The following PALD1 variants were observed in gnomAD, a reference collection of about 807,000 sequenced individuals.
The protein encoded by PALD1 is paladin.
PALD1 carries 57 observed loss-of-function variants against 96.0 expected under a neutral mutation model. The ratio of observed to expected loss-of-function variants is 0.59; its 90% CI spans 0.48 to 0.74. PALD1 has a LOEUF of 0.74. Among genes scored for constraint, PALD1 ranks in the 30% least tolerant of loss-of-function variants. The probability of loss-of-function intolerance (pLI) is 0.00; values close to 1 mark genes in which losing one functional copy is unlikely to be tolerated. For synonymous variants in PALD1, 464 were observed against 473.6 expected (o/e 0.98, Z 0.26); for missense variants, 1,063 against 1,143.7 (o/e 0.93, Z 1.02).
chr10:70,534,109 TG>T (rs1205402036), intron 8 of PALD1, 36 bp downstream of exon 8: 1 of 1,534,560 alleles, frequency 6.5e-7, no homozygotes, highest in Admixed American at 2.0e-5. Flanking sequence ...TGAAGGGCTG[TG>T]GGGCCGAGGA....
Position 70,547,442 on chromosome 10 carries a change from G to A in PALD1, c.2258G>A (p.Arg753His), listed in dbSNP as rs780067595. 24 of 1,600,708 alleles carry A rather than the reference G, an allele frequency of 1.5e-5. 2 individuals are homozygous for A. In the Admixed American group the frequency reaches 2.3e-4, roughly 16 times the overall value. ...HLREIIICTY[R>H]QAKAAKEAQE... is the part of the protein sequence containing the mutation. ...CGGGAGATCATCATCTGCACCTACC[G>A]CCAGGTGAGCCCCCACCCCACCCCA... The change falls in exon 18 of 20, where the codon CGC becomes CAC. Residue 753 changes from arginine (R) to histidine (H), a missense_variant. By Grantham distance (29) the Arg-to-His change is conservative. Transcript: ENST00000263563.
chr10:70,486,560 A>T (rs1846019294), intron 1 of PALD1, among the ~76,000 whole-genome samples: 1 of 152,126 alleles, frequency 6.6e-6, no homozygotes, highest in Non-Finnish European at 1.5e-5. Context: ...CAGGAGTTCA[A>T]GACCAGCCTG....
At chr10:70,487,786 T>A (rs112465638) in intron 1 of PALD1, among the ~76,000 whole-genome samples, 1 of 152,124 alleles carries the variant, frequency 6.6e-6, no homozygotes, top group Non-Finnish European at 1.5e-5. Context: ...TTGGTGAATG[T>A]CGGTAAAAGT....
intron 1 of PALD1, among the ~76,000 whole-genome samples, chr10:70,507,985 G>A (rs1846427321): frequency 1.3e-5 from 2 of 152,206 alleles, no homozygotes; most frequent in African/African-American, 2.4e-5. Flanking sequence ...CCCCTGTGGT[G>A]GGAAGGCACG....
At chr10:70,470,973 GTT>G in the PALD1 span, among the ~76,000 whole-genome samples, 5 of 139,076 alleles carry the variant, frequency 3.6e-5, no homozygotes, top group South Asian at 4.7e-4. Flanking sequence ...GGCTAATTTA[GTT>G]TTTTTTTTTT....
intron 1 of PALD1, among the ~76,000 whole-genome samples, chr10:70,481,194 G>A (rs1845925279): frequency 1.3e-5 from 2 of 152,330 alleles, no homozygotes; most frequent in East Asian, 3.9e-4. Context: ...GAATGGAGTT[G>A]GCTGTGAGCT....
At chr10:70,495,189 A>G (rs1846171119) in intron 1 of PALD1, among the ~76,000 whole-genome samples, 1 of 152,206 alleles carries the variant, frequency 6.6e-6, no homozygotes, top group African/African-American at 2.4e-5. Flanking sequence ...TCCTGTCTTC[A>G]TACGTCGGCA....
intron 1 of PALD1, among the ~76,000 whole-genome samples, chr10:70,479,557 C>T (rs1313431180): frequency 1.3e-5 from 2 of 152,206 alleles, no homozygotes; most frequent in African/African-American, 4.8e-5. Flanking sequence ...AGGCCCGGGT[C>T]TCCAAGGAGA....
At chr10:70,562,509 T>C (rs4747056) in intron 18 of PALD1, among the ~76,000 whole-genome samples, 146,770 of 152,320 alleles carry the variant, frequency 0.96, 70,932 homozygotes, top group East Asian at 1. Flanking sequence ...AGGCTGATGT[T>C]GTGTTCCTGT....
intron 1 of PALD1, among the ~76,000 whole-genome samples, chr10:70,495,912 G>A (rs1382279350): frequency 1.3e-5 from 2 of 151,818 alleles, no homozygotes; most frequent in Non-Finnish European, 2.9e-5. Context: ...TTGGGAGGTT[G>A]AGATGGGAGG....
chr10:70,542,962 G>A (rs1847282053), intron 17 of PALD1, among the ~76,000 whole-genome samples: 1 of 151,898 alleles, frequency 6.6e-6, no homozygotes, highest in East Asian at 1.9e-4. Context: ...TTTTAGAGAT[G>A]GGAGTTCACC....
intron 17 of PALD1, among the ~76,000 whole-genome samples, chr10:70,542,100 G>A (rs919215842): frequency 1.3e-5 from 2 of 152,102 alleles, no homozygotes; most frequent in African/African-American, 2.4e-5. Flanking sequence ...GTTGGCTCGT[G>A]TCTTACTGGT....
At chr10:70,530,382 A>G (rs1846968168) in intron 4 of PALD1, among the ~76,000 whole-genome samples, 1 of 152,204 alleles carries the variant, frequency 6.6e-6, no homozygotes, top group African/African-American at 2.4e-5. Flanking sequence ...ATAATTTGAC[A>G]GCTTGCTGAA....
chr10:70,473,900 C>CCGG (rs894085196), upstream of PALD1, among the ~76,000 whole-genome samples: 1 of 123,704 alleles, frequency 8.1e-6, no homozygotes, highest in African/African-American at 3.4e-5. Flanking sequence ...CACCCCCCCC[C>CCGG]CCTCAGCCTC....
intron 1 of PALD1, among the ~76,000 whole-genome samples, chr10:70,513,857 C>T (rs1271294836): frequency 3.9e-5 from 6 of 152,202 alleles, no homozygotes; most frequent in Non-Finnish European, 5.9e-5. Flanking sequence ...GGAAAAGGTC[C>T]TGAATTCCAG....
chr10:70,549,170 G>T (rs1053485412), intron 18 of PALD1, among the ~76,000 whole-genome samples: 24 of 152,024 alleles, frequency 1.6e-4, no homozygotes, highest in Admixed American at 4.6e-4. Flanking sequence ...CAGTTAGATT[G>T]GGTCCTGAGT....
rs761322623 is a variant in PALD1 at position 70,538,329 on chromosome 10, C to G, written c.1373C>G (p.Pro458Arg). 8 of 1,607,596 alleles carry G rather than the reference C, an allele frequency of 5.0e-6. No individual in the cohort carries two copies. In the South Asian group the frequency reaches 8.8e-5, roughly 18 times the overall value. The change falls in exon 12 of 20, where the codon CCT becomes CGT. Residue 458 changes from proline (P) to arginine (R), a missense_variant. Coordinates refer to ENST00000263563, the MANE Select transcript of PALD1 (RefSeq NM_014431.3). ...TTCAGCCGCTGGCTGTGTGCCCACC[C>G]TGAGCTGTACCGCCTGCCCGTGACG... ...LSFSRWLCAH[P>R]ELYRLPVTLS...
intron 1 of PALD1, among the ~76,000 whole-genome samples, chr10:70,508,589 A>T (rs905657856): frequency 1.7e-4 from 26 of 152,148 alleles, no homozygotes; most frequent in African/African-American, 6.0e-4. Flanking sequence ...TGCCATAGAG[A>T]GTGAGGAGCA....
intron 1 of PALD1, among the ~76,000 whole-genome samples, chr10:70,516,890 T>C (rs1413320823): frequency 2.8e-5 from 2 of 72,618 alleles, no homozygotes; most frequent in Non-Finnish European, 6.8e-5. Flanking sequence ...TTTTACTGTA[T>C]TTTTTTTTTT....
Sources: gnomAD v4.1 joint callset for allele counts (sites outside exome capture counted in the v4.1 genomes callset) on GRCh38, gnomAD v4.1.1 for gene constraint, MANE v1.5 for transcripts, NCBI Gene and HGNC (gene_info 2026-07-23, HGNC 2026-07-21) for gene names.